MS4A13: variants seen among roughly 807,000 people sequenced by gnomAD.
MS4A13 encodes the protein membrane-spanning 4-domains subfamily A member 13.
A neutral mutation model predicts 18.4 loss-of-function variants in MS4A13; 21 were observed. The ratio of observed to expected loss-of-function variants is 1.14; its 90% CI spans 0.81 to 1.64. MS4A13 has a LOEUF of 1.64. MS4A13 is among the 40% of genes most tolerant of loss of function. The pLI is 0.00. For missense variants in MS4A13, 173 were observed against 176.8 expected (o/e 0.98, Z 0.12); for synonymous variants, 62 against 57.2 (o/e 1.08, Z -0.38).
chr11:60,533,438 T>C (rs1590878955), intron 6 of MS4A13, among the ~76,000 whole-genome samples: 1 of 103,736 alleles, frequency 9.6e-6, no homozygotes, highest in African/African-American at 3.8e-5. Context: ...GAAGATGAAA[T>C]GAATGAAATG....
chr11:60,522,270 ATATG>A lies in MS4A13; in HGVS notation c.130-1621_130-1618del, dbSNP rs561997500. On this transcript the variant is annotated intron_variant, in intron 3 of 6. Transcript: ENST00000378186. ...TATATATAGATATATACACACATAT[ATATG>A]TATGTGTGTGTTTGTGTGTGTGTGT... Among the ~76,000 whole-genome samples the A allele has an allele frequency of 4.5e-3, 661 of 147,358 alleles. 10 individuals carry two copies. The highest frequency in any genetic ancestry group is 0.015 in the African/African-American group (636 of 41,108).
chr11:60,521,934 T>C (rs1258425664), intron 3 of MS4A13, among the ~76,000 whole-genome samples: 1 of 152,154 alleles, frequency 6.6e-6, no homozygotes. Context: ...CTCACAATTG[T>C]GGCAGAAGGC....
intron 6 of MS4A13, among the ~76,000 whole-genome samples, chr11:60,530,000 A>G (rs1040305430): frequency 6.6e-6 from 1 of 152,228 alleles, no homozygotes; most frequent in Non-Finnish European, 1.5e-5. Flanking sequence ...ATACAGGACC[A>G]CTAATTCTTT....
downstream of MS4A13, among the ~76,000 whole-genome samples, chr11:60,543,062 ACTTCT>A (rs1191478174): frequency 6.6e-6 from 1 of 151,954 alleles, no homozygotes; most frequent in East Asian, 1.9e-4. Flanking sequence ...TTGTTCTTTG[ACTTCT>A]CTTCTCCTTA....
At chr11:60,529,249 T>C (rs2086743498) in intron 5 of MS4A13, 116 bp from the exon 6 acceptor site, 1 of 453,302 alleles carries the variant, frequency 2.2e-6, no homozygotes, top group African/African-American at 2.5e-5. Context: ...GTTCTTATTT[T>C]CCTTCCTTTT....
intron 6 of MS4A13, among the ~76,000 whole-genome samples, chr11:60,542,004 G>A (rs2086862440): frequency 6.6e-6 from 1 of 151,886 alleles, no homozygotes; most frequent in Non-Finnish European, 1.5e-5. Flanking sequence ...GGGTGGCTGG[G>A]GCATGAGAAT....
chr11:60,523,565 A>G (rs1433821848), intron 3 of MS4A13, among the ~76,000 whole-genome samples: 2 of 152,244 alleles, frequency 1.3e-5, no homozygotes, highest in Non-Finnish European at 2.9e-5. Flanking sequence ...TAACATTAAA[A>G]GCAATAATCA....
downstream of MS4A13, among the ~76,000 whole-genome samples, chr11:60,543,019 G>T (rs943825060): frequency 2.0e-5 from 3 of 152,104 alleles, no homozygotes; most frequent in African/African-American, 7.2e-5. Context: ...ATCAAAGTAT[G>T]AATCAAAAGG....
At position 60,525,306 on chromosome 11, in the gene MS4A13, T is replaced by C; in HGVS notation, c.286T>C (p.Tyr96His). The change falls in exon 5 of 7, where the codon TAC (tyrosine) becomes CAC (histidine). Residue 96 changes from tyrosine (Y) to histidine (H), a missense_variant. Tyr to His is a moderately conservative substitution (Grantham distance 83). Transcript: ENST00000378186. ...IELSHFNSVS[Y>H]RNYGQAKLGR... is the part of the protein sequence containing the mutation. ...GTTGTCTCATTTTAATTCTGTGTCA[T>C]ACAGGAATTATGGACAAGCAGTAAG... 2 of 1,588,254 alleles carry C rather than the reference T, an allele frequency of 1.3e-6. No homozygotes were observed. Among genetic ancestry groups the C allele is most frequent in the Non-Finnish European group, 1.7e-6 (2 of 1,161,746 alleles).
At chr11:60,527,410 C>CTGTGTGTGTGTGTGTGTGTGTGTGTG (rs1224398821) in intron 5 of MS4A13, among the ~76,000 whole-genome samples, 3 of 28,804 alleles carry the variant, frequency 1.0e-4, no homozygotes, top group African/African-American at 3.2e-4. Context: ...CTCTCTCTCT[C>CTGTGTGTGTGTGTGTGTGTGTGTGTG]TGTGTGTGTG....
intron 3 of MS4A13, among the ~76,000 whole-genome samples, chr11:60,519,950 T>A (rs564446823): frequency 1.3e-5 from 2 of 152,168 alleles, no homozygotes; most frequent in South Asian, 4.2e-4. Context: ...AAATTAAGAT[T>A]TGAAAGGTAC....
chr11:60,542,508 T>C lies in MS4A13; in HGVS notation c.403-11T>C, dbSNP rs2086868534. ...CATGATATGATTTGTAAGAGGTTAC[T>C]TTTTTTCCAGTTTCGAAGACAAAAT... On this transcript the variant is annotated splice_polypyrimidine_tract_variant and intron_variant, in intron 6 of 6. Coordinates refer to ENST00000378186, the MANE Select transcript of MS4A13 (RefSeq NM_001012417.3). 1.3e-6 allele frequency: 2 copies of C among 1,587,934 alleles called. No individual in the cohort carries two copies. Among genetic ancestry groups the C allele is most frequent in the Non-Finnish European group, 1.7e-6 (2 of 1,160,628 alleles).
intron 6 of MS4A13, among the ~76,000 whole-genome samples, chr11:60,540,279 G>A (rs903824501): frequency 6.6e-6 from 1 of 152,100 alleles, no homozygotes; most frequent in Non-Finnish European, 1.5e-5. Context: ...AACTTTATTT[G>A]CAAAAACGGG....
intron 4 of MS4A13, among the ~76,000 whole-genome samples, chr11:60,524,930 G>C (rs987792311): frequency 5.3e-5 from 8 of 152,096 alleles, no homozygotes; most frequent in Non-Finnish European, 1.2e-4. Flanking sequence ...AAAGTGCTGG[G>C]ATTACAGGCG....
intron 5 of MS4A13, among the ~76,000 whole-genome samples, chr11:60,526,834 G>C (rs1482889089): frequency 6.6e-6 from 1 of 152,154 alleles, no homozygotes; most frequent in Non-Finnish European, 1.5e-5. Flanking sequence ...TAATAGTATA[G>C]ATTCCAGGAT....
intron 5 of MS4A13, among the ~76,000 whole-genome samples, chr11:60,527,743 C>T (rs1471113325): frequency 2.0e-5 from 3 of 151,856 alleles, no homozygotes; most frequent in Middle Eastern, 3.4e-3. Flanking sequence ...GGCTAAGGCA[C>T]GAGAATCGCT....
chr11:60,542,195 AAAGGGAGG>A (rs1157501973), intron 6 of MS4A13, among the ~76,000 whole-genome samples: 3 of 141,098 alleles, frequency 2.1e-5, no homozygotes, highest in African/African-American at 2.6e-5. Flanking sequence ...GAAAGGGAAG[AAAGGGAGG>A]AAGGGAGGAA....
intron 4 of MS4A13, among the ~76,000 whole-genome samples, chr11:60,524,897 T>C (rs963265495): frequency 6.6e-6 from 1 of 152,100 alleles, no homozygotes; most frequent in African/African-American, 2.4e-5. Context: ...CCTGACCTCG[T>C]GATCCACCCG....
intron 6 of MS4A13, among the ~76,000 whole-genome samples, chr11:60,530,121 A>G (rs1469005911): frequency 6.6e-6 from 1 of 152,224 alleles, no homozygotes; most frequent in East Asian, 1.9e-4. Context: ...ACAAGCTTAA[A>G]AGACTACATA....
Sources: allele counts gnomAD v4.1 joint callset (sites outside exome capture counted in the v4.1 genomes callset), GRCh38; gene constraint gnomAD v4.1.1; transcripts MANE v1.5; gene names NCBI Gene and HGNC (gene_info 2026-07-23, HGNC 2026-07-21).